The following CCDC91 variants were observed in gnomAD, a reference collection of about 807,000 sequenced individuals.
CCDC91 encodes coiled-coil domain containing 91, also known as coiled-coil domain-containing protein 91.
Under a neutral mutation model 63.2 loss-of-function variants are expected in CCDC91, and 48 were observed. The observed-to-expected ratio is 0.76, with a 90% CI of 0.60 to 0.97. The LOEUF is 0.97. Among genes scored for constraint, CCDC91 ranks in the 50% least tolerant of loss-of-function variants. The pLI is 0.00. For synonymous variants in CCDC91, 167 were observed against 165.8 expected, an observed-to-expected ratio of 1.01 and a Z score of -0.06; for missense variants, 500 against 494.6, an observed-to-expected ratio of 1.01 and a Z score of -0.10.
chr12:28,417,885 T>C (rs7312201), intron 8 of CCDC91, among the ~76,000 whole-genome samples: 32,549 of 151,994 alleles, frequency 0.21, 4,178 homozygotes, highest in Non-Finnish European at 0.3. Context: ...CTATGTTGTA[T>C]ATTTATTCAT....
chr12:28,410,176 A>G (rs1200161578), intron 8 of CCDC91, among the ~76,000 whole-genome samples: 2 of 152,098 alleles, frequency 1.3e-5, no homozygotes. Context: ...TGCTGCTCTG[A>G]TTATTTTTTG....
chr12:28,415,965 A>G (rs1947630433), intron 8 of CCDC91, among the ~76,000 whole-genome samples: 1 of 66,398 alleles, frequency 1.5e-5, no homozygotes, highest in African/African-American at 3.5e-5. Context: ...GCACTGAGGA[A>G]TGTGTTTTTT....
intron 12 of CCDC91, among the ~76,000 whole-genome samples, chr12:28,543,979 A>G (rs145557431): frequency 7.5e-4 from 114 of 152,054 alleles, no homozygotes; most frequent in Non-Finnish European, 1.4e-3. Context: ...TCAAATTTAT[A>G]TCTTTTCCAG....
chr12:28,500,037 C>G (rs1952545827), intron 12 of CCDC91, among the ~76,000 whole-genome samples: 1 of 152,146 alleles, frequency 6.6e-6, no homozygotes, highest in South Asian at 2.1e-4. Context: ...GATCGCCATT[C>G]TAACTGGCAT....
At chr12:28,542,320 G>A (rs757643894) in intron 12 of CCDC91, among the ~76,000 whole-genome samples, 1 of 151,994 alleles carries the variant, frequency 6.6e-6, no homozygotes, top group Non-Finnish European at 1.5e-5. Context: ...TGGTCAAAAG[G>A]TTTTAAGACT....
intron 1 of CCDC91, among the ~76,000 whole-genome samples, chr12:28,210,202 A>G (rs1402686487): frequency 2.0e-5 from 3 of 152,250 alleles, no homozygotes; most frequent in African/African-American, 7.2e-5. Context: ...AAGGCAGTGT[A>G]TGACCTTAAA....
intron 6 of CCDC91, among the ~76,000 whole-genome samples, chr12:28,353,319 G>A (rs1943305267): frequency 6.6e-6 from 1 of 152,176 alleles, no homozygotes; most frequent in Admixed American, 6.5e-5. Flanking sequence ...TCAGCAATAA[G>A]GCTGTATCAC....
chr12:28,285,579 T>C (rs1304076111), intron 3 of CCDC91, among the ~76,000 whole-genome samples: 1 of 151,812 alleles, frequency 6.6e-6, no homozygotes, highest in Non-Finnish European at 1.5e-5. Flanking sequence ...TGCAGCAATT[T>C]GCCAATAGGA....
chr12:28,256,296 C>G (rs1422397660), intron 1 of CCDC91, among the ~76,000 whole-genome samples: 1 of 152,128 alleles, frequency 6.6e-6, no homozygotes, highest in Non-Finnish European at 1.5e-5. Flanking sequence ...TTCACAATTA[C>G]AGGTTCCAAA....
At chr12:28,214,847 C>A (rs1009064190) in intron 1 of CCDC91, among the ~76,000 whole-genome samples, 2 of 152,088 alleles carry the variant, frequency 1.3e-5, no homozygotes, top group Non-Finnish European at 2.9e-5. Context: ...TATTTGGAGA[C>A]TAAATATGAT....
intron 7 of CCDC91, among the ~76,000 whole-genome samples, chr12:28,363,083 T>C (rs938679490): frequency 1.3e-5 from 2 of 152,184 alleles, no homozygotes; most frequent in Non-Finnish European, 2.9e-5. Flanking sequence ...TTAAACTTCA[T>C]GTTAGATCAT....
chr12:28,233,769 CA>C (rs1944756009), intron 1 of CCDC91, among the ~76,000 whole-genome samples: 1 of 151,926 alleles, frequency 6.6e-6, no homozygotes, highest in Non-Finnish European at 1.5e-5. Context: ...TTTAAACTCA[CA>C]TTTTTTTTTT....
intron 3 of CCDC91, among the ~76,000 whole-genome samples, chr12:28,269,139 A>G (rs1360250324): frequency 6.6e-6 from 1 of 152,034 alleles, no homozygotes; most frequent in Non-Finnish European, 1.5e-5. Flanking sequence ...TGTATTTTAA[A>G]TGAACTTATA....
intron 3 of CCDC91, among the ~76,000 whole-genome samples, chr12:28,286,878 A>AT (rs1371766421): frequency 1.3e-5 from 2 of 152,036 alleles, no homozygotes; most frequent in South Asian, 2.1e-4. Context: ...AGCATCTATT[A>AT]TTTTTTTGAC....
chr12:28,402,682 T>C (rs1946713094), intron 8 of CCDC91, among the ~76,000 whole-genome samples: 1 of 152,108 alleles, frequency 6.6e-6, no homozygotes, highest in African/African-American at 2.4e-5. Context: ...CAGTGCAATG[T>C]TGAAAAGCAG....
chr12:28,395,261 A>T (rs2139380525), intron 8 of CCDC91, among the ~76,000 whole-genome samples: 1 of 152,320 alleles, frequency 6.6e-6, no homozygotes, highest in Non-Finnish European at 1.5e-5. Context: ...CTGCATCAAC[A>T]ACCAGTTCTC....
At chr12:28,429,529 G>A (rs940673676) in intron 8 of CCDC91, among the ~76,000 whole-genome samples, 10 of 152,116 alleles carry the variant, frequency 6.6e-5, no homozygotes, top group South Asian at 2.1e-4. Context: ...CAATACATTC[G>A]TGATGGAAAC....
At position 28,509,314 on chromosome 12, in the gene CCDC91, C is replaced by A. The variant is rs567578680; in HGVS notation, c.1215+25149C>A. Among the ~76,000 whole-genome samples, 8 of 151,924 alleles carry A rather than the reference C, an allele frequency of 5.3e-5. No individual in the cohort carries two copies. The East Asian group carries it at 1.6e-3, about 30-fold the overall frequency. ...CCTACAGTTCATTTGATATATACTG[C>A]CTTTCTAAGCTGGATTATGATGCAA... On this transcript the variant is annotated intron_variant, in intron 12 of 12. Transcript: ENST00000536442.
At chr12:28,477,356 C>T (rs576587409) in intron 11 of CCDC91, among the ~76,000 whole-genome samples, 2 of 152,092 alleles carry the variant, frequency 1.3e-5, no homozygotes, top group Non-Finnish European at 2.9e-5. Context: ...ATAAACAGAT[C>T]CAAAGACAAA....
Sources: gnomAD v4.1 joint callset for allele counts (sites outside exome capture counted in the v4.1 genomes callset) on GRCh38, gnomAD v4.1.1 for gene constraint, MANE v1.5 for transcripts, NCBI Gene and HGNC (gene_info 2026-07-23, HGNC 2026-07-21) for gene names.